RPS27A: variants seen among roughly 807,000 people sequenced by gnomAD.
RPS27A encodes the protein ubiquitin-ribosomal protein eS31 fusion protein.
A neutral mutation model predicts 18.9 loss-of-function variants in RPS27A; 1 was observed. The observed-to-expected ratio is 0.05, with a 90% CI of 0.02 to 0.25. The LOEUF (loss-of-function observed/expected upper bound fraction) is 0.25, where lower values mean the gene tolerates loss of function less well. Among genes scored for constraint, RPS27A ranks in the 10% least tolerant of loss-of-function variants. The pLI, the probability that RPS27A is intolerant of heterozygous loss-of-function variation, is 1.00. For synonymous variants in RPS27A, 77 were observed against 63.7 expected (o/e 1.21, Z -0.99); for missense variants, 123 against 187.4 (o/e 0.66, Z 2.01).
intron 5 of RPS27A, 87 bp from the exon 6 acceptor site, chr2:55,235,340 AG>A (rs1303633139): frequency 3.5e-6 from 5 of 1,444,752 alleles, no homozygotes; most frequent in Non-Finnish European, 4.8e-6. Context: ...AGTATTACAC[AG>A]TTAAAAGCTT....
chr2:55,232,839 G>A lies in RPS27A; in HGVS notation c.15G>A (p.Val5=), dbSNP rs777768687. The stretch of plus-strand genomic sequence containing the variant: ...CCGCCACCAAAATGCAGATTTTCGT[G>A]AAAACCCTTACGGGGAAGACCATCA... The part of the protein sequence containing the change: MQIF[V]KTLTGKTITL... Residue 5 remains valine (V), a synonymous_variant, in exon 2 of 6, where the codon GTG becomes GTA. Coordinates refer to ENST00000272317, the MANE Select transcript of RPS27A (RefSeq NM_002954.6). 1.2e-6 allele frequency: 2 copies of A among 1,613,208 alleles called. No homozygotes were observed. The highest frequency in any genetic ancestry group is 1.7e-6 in the Non-Finnish European group (2 of 1,179,752).
rs757608662 is a variant in RPS27A, at chr2:55,234,819, T to C, written c.190-12T>C. On this transcript the variant is annotated splice_polypyrimidine_tract_variant and intron_variant, in intron 4 of 5. Coordinates refer to ENST00000272317, the MANE Select transcript of RPS27A (RefSeq NM_002954.6). ...GGAATCATGAAAGCTTGCTTCATTC[T>C]TCCATTAACAGGAGTCTACTCTTCA... 2 of 1,611,968 alleles carry C rather than the reference T, an allele frequency of 1.2e-6. No individual in the cohort carries two copies. Among genetic ancestry groups the C allele is most frequent in the Non-Finnish European group, 1.7e-6 (2 of 1,179,918 alleles).
chr2:55,232,117 A>G, upstream of RPS27A: 1 of 154,168 alleles, frequency 6.5e-6, no homozygotes, highest in Non-Finnish European at 1.4e-5. Flanking sequence ...AAGTGAGTGA[A>G]GGACACCTTT....
rs778371746 is a variant in RPS27A, at chr2:55,233,550, C to T, written c.103+133C>T. The T allele has an allele frequency of 5.2e-5, 37 of 714,114 alleles. No individual in the cohort carries two copies. In the South Asian group the frequency reaches 5.4e-4, roughly 10 times the overall value. 44.2% of individuals were successfully genotyped at this position (714,114 alleles called of 1,614,324 possible). A position where few individuals can be genotyped will look rare whatever the true frequency, so the allele number is the denominator to read the frequency against. ...AAAGCGAAATACTTGTGGAATAACA[C>T]AATAGACATTGGTGATCGGGGAGCA... On this transcript the variant is annotated intron_variant, in intron 3 of 5. Coordinates refer to ENST00000272317, the MANE Select transcript of RPS27A (RefSeq NM_002954.6).
chr2:55,233,829 C>T (rs140667207), intron 3 of RPS27A: 17 of 511,894 alleles, frequency 3.3e-5, no homozygotes, highest in African/African-American at 3.1e-4. Context: ...TGGGTTTTAC[C>T]TTGTTGGCCA....
chr2:55,234,554 A>G (rs1675696863), intron 4 of RPS27A: 1 of 553,306 alleles, frequency 1.8e-6, no homozygotes, highest in Admixed American at 3.1e-5. Flanking sequence ...ATAGCAGTAG[A>G]TTTTTAGGTA....
At chr2:55,231,987 G>A (rs1365260550), upstream of RPS27A, 6 of 152,212 alleles carry the variant, frequency 3.9e-5, no homozygotes, top group African/African-American at 1.4e-4. Flanking sequence ...CTGAACCCCC[G>A]CTTCCGCAGA....
upstream of RPS27A, chr2:55,232,426 C>T (rs748784735): frequency 6.8e-6 from 2 of 294,532 alleles, no homozygotes; most frequent in Non-Finnish European, 1.3e-5. Flanking sequence ...TTTAAAAATT[C>T]TCTTAGCCAC....
In RPS27A at chr2:55,234,145, A is replaced by G; in HGVS notation, c.130A>G (p.Ile44Val). 4 of 1,613,686 alleles carry G rather than the reference A, an allele frequency of 2.5e-6. No homozygotes were observed. The highest frequency in any genetic ancestry group is 3.4e-6 in the Non-Finnish European group (4 of 1,179,634). ...EGIPPDQQRLIFAGKQLEDGR... is the reference protein window; with the variant it reads ...EGIPPDQQRLVFAGKQLEDGR... ...AATTCCTCCTGATCAGCAGAGACTGATCTTTGCTGGCAAGCAGCTGGAAGA... is the reference window on the plus strand; with the variant it reads ...AATTCCTCCTGATCAGCAGAGACTGGTCTTTGCTGGCAAGCAGCTGGAAGA... Residue 44 changes from isoleucine (I) to valine (V), a missense_variant, in exon 4 of 6, where the codon ATC becomes GTC. Ile to Val is a conservative substitution (Grantham distance 29). Transcript: ENST00000272317.
chr2:55,233,438 A>C, intron 3 of RPS27A, 21 bp downstream of exon 3: 1 of 1,593,844 alleles, frequency 6.3e-7, no homozygotes, highest in South Asian at 1.1e-5. Flanking sequence ...TTTTGTAGTT[A>C]AGAAAACTTA....
intron 1 of RPS27A, 35 bp downstream of exon 1, chr2:55,232,743 C>T (rs936874213): frequency 8.5e-6 from 11 of 1,295,188 alleles, no homozygotes; most frequent in East Asian, 2.4e-5. Flanking sequence ...CTCGGGTTAG[C>T]ACCCTATGGT....
In RPS27A at chr2:55,234,156, C is replaced by T; in HGVS notation, c.141C>T (p.Gly47=). Residue 47 remains glycine (G), a synonymous_variant, in exon 4 of 6, where the codon GGC becomes GGT. Coordinates refer to ENST00000272317, the MANE Select transcript of RPS27A (RefSeq NM_002954.6). The part of the protein sequence containing the change: ...PPDQQRLIFA[G]KQLEDGRTLS... ...ATCAGCAGAGACTGATCTTTGCTGG[C>T]AAGCAGCTGGAAGATGGACGTACTT... is the stretch of plus-strand genomic sequence containing the variant. 1 of 1,613,574 alleles carries T rather than the reference C, an allele frequency of 6.2e-7. No homozygotes were observed. Among genetic ancestry groups the T allele is most frequent in the Non-Finnish European group, 8.5e-7 (1 of 1,179,594 alleles).
intron 2 of RPS27A, 108 bp downstream of exon 2, chr2:55,232,980 T>C: frequency 1.1e-6 from 1 of 952,112 alleles, no homozygotes; most frequent in Non-Finnish European, 1.7e-6. Flanking sequence ...CGAATTTGGG[T>C]TCTAAAACTT....
In RPS27A at chr2:55,234,549, A is replaced by G. The variant is rs954691160; in HGVS notation, c.190-282A>G. On this transcript the variant is annotated intron_variant, in intron 4 of 5. Transcript: ENST00000272317. ...AAAGGGAAAATGGCATTCGAATAGCAGTAGATTTTTAGGTAACTCCTATAC... is the reference window on the plus strand; with the variant it reads ...AAAGGGAAAATGGCATTCGAATAGCGGTAGATTTTTAGGTAACTCCTATAC... The G allele has an allele frequency of 1.3e-5, 7 of 551,920 alleles. No individual in the cohort carries two copies. The African/African-American group carries it at 1.3e-4, about 10-fold the overall frequency. 34.2% of individuals were successfully genotyped at this position (551,920 alleles called of 1,614,324 possible).
At chr2:55,233,698 G>A (rs1573828633) in intron 3 of RPS27A, 1 of 495,858 alleles carries the variant, frequency 2.0e-6, no homozygotes, top group East Asian at 3.8e-5. Flanking sequence ...CGCTTGTCCC[G>A]GCTTACTGCA....
chr2:55,235,058 AC>A (rs1425654786), intron 5 of RPS27A, 96 bp downstream of exon 5: 1 of 1,322,010 alleles, frequency 7.6e-7, no homozygotes. Context: ...GGACTTAAAC[AC>A]CCAATATTAT....
At chr2:55,232,589 G>T, upstream of RPS27A, 1 of 593,208 alleles carries the variant, frequency 1.7e-6, no homozygotes, top group Non-Finnish European at 3.0e-6. Flanking sequence ...GGGTTGGATT[G>T]TCGCTGGGAC....
intron 4 of RPS27A, 25 bp downstream of exon 4, chr2:55,234,229 C>A: frequency 6.7e-7 from 1 of 1,486,836 alleles, no homozygotes; most frequent in Non-Finnish European, 9.4e-7. Flanking sequence ...AGAGCAGCCT[C>A]TTTTAAAAAA....
chr2:55,235,425 C>T lies in RPS27A; in HGVS notation c.322-3C>T. On this transcript the variant is annotated splice_polypyrimidine_tract_variant and splice_region_variant and intron_variant, in intron 5 of 5. Transcript: ENST00000272317. ...ATCTTAACAGCAGGTTTGTGCTTTTCAGGTGGATGAGAATGGCAAAATTAG... is the reference window on the plus strand; with the variant it reads ...ATCTTAACAGCAGGTTTGTGCTTTTTAGGTGGATGAGAATGGCAAAATTAG... 1.9e-6 allele frequency: 3 copies of T among 1,611,902 alleles called. No individual in the cohort carries two copies. Among genetic ancestry groups the T allele is most frequent in the Non-Finnish European group, 1.7e-6 (2 of 1,179,802 alleles).
Sources: allele counts gnomAD v4.1 joint callset, GRCh38; gene constraint gnomAD v4.1.1; transcripts MANE v1.5; gene names NCBI Gene and HGNC (gene_info 2026-07-23, HGNC 2026-07-21).